The following ATP6V1B2 variants were observed in gnomAD, a reference collection of about 807,000 sequenced individuals.
ATP6V1B2 encodes ATPase H+ transporting V1 subunit B2, also known as V-type proton ATPase subunit B, brain isoform.
A neutral mutation model predicts 66.7 loss-of-function variants in ATP6V1B2; 23 were observed. The observed-to-expected ratio is 0.34, with a 90% CI of 0.25 to 0.49. ATP6V1B2 has a LOEUF of 0.49. Ranked by LOEUF, ATP6V1B2 falls within the 20% of genes least tolerant of loss-of-function variation. ATP6V1B2 has a pLI of 0.99. For missense variants in ATP6V1B2, 478 were observed against 650.8 expected, an observed-to-expected ratio of 0.73 and a Z score of 2.89; for synonymous variants, 278 against 236.7, an observed-to-expected ratio of 1.17 and a Z score of -1.60.
At position 20,211,479 on chromosome 8, in the gene ATP6V1B2, T is replaced by G. The variant is rs2072792710; in HGVS notation, c.603+163T>G. 2.4e-6 allele frequency: 3 copies of G among 1,268,150 alleles called. 1 individual carries two copies. Among genetic ancestry groups the G allele is most frequent in the South Asian group, 3.1e-5 (2 of 65,052 alleles). 78.6% of individuals were successfully genotyped at this position (1,268,150 alleles called of 1,614,324 possible). On this transcript the variant is annotated intron_variant, in intron 6 of 13. Transcript: ENST00000276390. ...ATCTTTATTTCTGCACATGTCTTCTTGCTTACCCTTGCATATCTTTGCAAA... is the reference window on the plus strand; with the variant it reads ...ATCTTTATTTCTGCACATGTCTTCTGGCTTACCCTTGCATATCTTTGCAAA...
At chr8:20,220,160 A>G in intron 13 of ATP6V1B2, 103 bp from the exon 14 acceptor site, 1 of 1,332,524 alleles carries the variant, frequency 7.5e-7, no homozygotes, top group Non-Finnish European at 1.0e-6. Context: ...TTTTTTTTTC[A>G]ATATCTATTT....
chr8:20,199,998 G>C (rs1448990620), intron 1 of ATP6V1B2, among the ~76,000 whole-genome samples: 1 of 66,934 alleles, frequency 1.5e-5, no homozygotes, highest in African/African-American at 7.9e-5. Flanking sequence ...TAGTTATTGT[G>C]TGTGTGTGTG....
At chr8:20,207,251 A>G (rs2072747829) in intron 2 of ATP6V1B2, among the ~76,000 whole-genome samples, 1 of 152,194 alleles carries the variant, frequency 6.6e-6, no homozygotes, top group Admixed American at 6.5e-5. Context: ...ATAACAGTGG[A>G]ACAAAATTTA....
At chr8:20,197,617 C>A (rs1445682182) in intron 1 of ATP6V1B2, 75 bp downstream of exon 1, 34 of 1,291,908 alleles carry the variant, frequency 2.6e-5, no homozygotes, top group Non-Finnish European at 3.3e-5. Context: ...ACCTGCTTAG[C>A]CAGCGGGTAG....
Position 20,212,834 on chromosome 8 carries a change from G to T in ATP6V1B2, c.856G>T (p.Ala286Ser), listed in dbSNP as rs2072809427. 1 of 1,613,636 alleles carries T rather than the reference G, an allele frequency of 6.2e-7. No individual in the cohort carries two copies. Among genetic ancestry groups the T allele is most frequent in the South Asian group, 1.1e-5 (1 of 91,070 alleles). ...GGCTCTAACCACAGCTGAATTTCTG[G>T]CGTACCAATGTGAGAAACATGTATT... ...RLALTTAEFL[A>S]YQCEKHVLVI... The change falls in exon 9 of 14, where the codon GCG becomes TCG. Residue 286 changes from alanine (A) to serine (S), a missense_variant. Transcript: ENST00000276390.
chr8:20,197,424 G>A lies in ATP6V1B2; in HGVS notation c.18G>A (p.Met6Ile). Residue 6 changes from methionine to isoleucine, a missense_variant, in exon 1 of 14, where the codon ATG becomes ATA. Physicochemically the swap from Met to Ile is conservative, Grantham distance 10 (BLOSUM62 1). Around this residue, in one of 2 missense-constraint regions of ATP6V1B2, gnomAD observed 152 missense variants for 105.2 expected, o/e 1.44. Transcript: ENST00000276390. MALRA[M>I]RGIVNGAAPE... ...GAGACAAGATGGCGCTGCGGGCGAT[G>A]CGGGGGATTGTCAACGGGGCCGCAC... 1.3e-6 allele frequency: 2 copies of A among 1,544,362 alleles called. No individual in the cohort carries two copies. Among genetic ancestry groups the A allele is most frequent in the Middle Eastern group, 2.1e-4 (1 of 4,824 alleles).
In ATP6V1B2 at chr8:20,209,659, G is replaced by T. The variant is rs191401830; in HGVS notation, c.291+128G>T. Reference sequence around the variant, plus strand: ...CTTTAGAGATTGGTTACCGGCTGCAGGGAAAGAAACTATTATTGCATGTTT... The same window carrying T: ...CTTTAGAGATTGGTTACCGGCTGCATGGAAAGAAACTATTATTGCATGTTT... On this transcript the variant is annotated intron_variant, in intron 3 of 13. Coordinates refer to ENST00000276390, the MANE Select transcript of ATP6V1B2 (RefSeq NM_001693.4). The T allele has an allele frequency of 1.2e-4, 101 of 860,894 alleles. 1 individual carries two copies. In the African/African-American group the frequency reaches 1.7e-3, roughly 14 times the overall value. The allele number at this position is 860,894 out of a possible 1,614,324, so 53.3% of individuals were successfully genotyped here.
At chr8:20,201,737 A>G (rs767735807) in intron 1 of ATP6V1B2, among the ~76,000 whole-genome samples, 26 of 152,244 alleles carry the variant, frequency 1.7e-4, no homozygotes, top group South Asian at 1.4e-3. Context: ...TGTCTTAGCC[A>G]TTTTCTGCTC....
chr8:20,211,575 A>T, intron 6 of ATP6V1B2, 77 bp from the exon 7 acceptor site: 1 of 1,466,714 alleles, frequency 6.8e-7, no homozygotes, highest in Non-Finnish European at 9.2e-7. Context: ...CGATTCCAAA[A>T]AGTTTATGGT....
At chr8:20,212,078 A>G (rs2072800978) in intron 7 of ATP6V1B2, 24 bp from the exon 8 acceptor site, 1 of 1,586,582 alleles carries the variant, frequency 6.3e-7, no homozygotes, top group Non-Finnish European at 8.7e-7. Flanking sequence ...TTCTCCCAGC[A>G]CTGATGAAGT....
intron 10 of ATP6V1B2, chr8:20,215,664 T>C (rs147886139): frequency 6.6e-6 from 1 of 152,160 alleles, no homozygotes; most frequent in Admixed American, 6.6e-5. Context: ...AATGATTTGT[T>C]GAGATTAGCA....
At chr8:20,199,794 A>T (rs904898309) in intron 1 of ATP6V1B2, among the ~76,000 whole-genome samples, 1 of 151,942 alleles carries the variant, frequency 6.6e-6, no homozygotes, top group Admixed American at 6.6e-5. Flanking sequence ...GTATTTTAGT[A>T]GAGACGGGAT....
Position 20,218,294 on chromosome 8 carries a change from G to T in ATP6V1B2, c.1396+12G>T. 1 of 1,608,894 alleles carries T rather than the reference G, an allele frequency of 6.2e-7. No individual in the cohort carries two copies. The highest frequency in any genetic ancestry group is 8.5e-7 in the Non-Finnish European group (1 of 1,178,050). ...CTTCATTGCTCAGGGTAAGATGACT[G>T]TTGGCTTACAAACATAAAAAGCCTC... On this transcript the variant is annotated intron_variant, in intron 13 of 13. Transcript: ENST00000276390.
At position 20,213,153 on chromosome 8, in the gene ATP6V1B2, T is replaced by C. The variant is rs11988466; in HGVS notation, c.927+248T>C. 3,087 of 434,930 alleles carry C rather than the reference T, an allele frequency of 7.1e-3. 111 individuals carry two copies. Among genetic ancestry groups the C allele is most frequent in the African/African-American group, 0.057 (2,794 of 48,740 alleles). 26.9% of individuals were successfully genotyped at this position (434,930 alleles called of 1,614,324 possible). On this transcript the variant is annotated intron_variant, in intron 9 of 13. Transcript: ENST00000276390. ...ACTATCTCCATGGATTAAGAAATGA[T>C]TGTAAAAGGGAGTAAATAATTCAAG...
chr8:20,199,698 C>T (rs2072665269), intron 1 of ATP6V1B2, among the ~76,000 whole-genome samples: 1 of 150,842 alleles, frequency 6.6e-6, no homozygotes, highest in Non-Finnish European at 1.5e-5. Context: ...GCAACCTCCG[C>T]CTTCCAGATT....
intron 10 of ATP6V1B2, chr8:20,215,306 T>TA (rs2072842559): frequency 6.0e-6 from 1 of 165,770 alleles, no homozygotes; most frequent in Non-Finnish European, 1.3e-5. Context: ...GGATGTTTTT[T>TA]ATGTGTGTGC....
At chr8:20,203,887 C>A in intron 1 of ATP6V1B2, 1 of 429,428 alleles carries the variant, frequency 2.3e-6, no homozygotes, top group Non-Finnish European at 4.6e-6. Context: ...TTTCCATTGC[C>A]TACTCCGTCC....
intron 2 of ATP6V1B2, among the ~76,000 whole-genome samples, chr8:20,207,665 C>A (rs1228869874): frequency 6.6e-6 from 1 of 151,158 alleles, no homozygotes; most frequent in African/African-American, 2.4e-5. Context: ...TAAAGGACCA[C>A]AGTATGTTTT....
chr8:20,217,041 A>G, intron 11 of ATP6V1B2, 179 bp from the exon 12 acceptor site: 2 of 588,084 alleles, frequency 3.4e-6, no homozygotes, highest in South Asian at 2.1e-5. Context: ...GCTATGCTAT[A>G]AAGTGTTTCT....
Sources: gnomAD v4.1 joint callset for allele counts (sites outside exome capture counted in the v4.1 genomes callset) on GRCh38, gnomAD v4.1.1 for gene constraint, gnomAD v4.1.1 regional missense constraint, MANE v1.5 for transcripts, NCBI Gene and HGNC (gene_info 2026-07-23, HGNC 2026-07-21) for gene names.